The following KLHL41 variants were observed in gnomAD, a reference collection of about 807,000 sequenced individuals.
The protein encoded by KLHL41 is kelch like family member 41.
A neutral mutation model predicts 49.2 loss-of-function variants in KLHL41; 31 were observed. The ratio of observed to expected loss-of-function variants is 0.63; its 90% confidence interval spans 0.47 to 0.85. The LOEUF (loss-of-function observed/expected upper bound fraction) is 0.85. KLHL41 is among the 40% of genes least tolerant of loss of function. The pLI is 0.00. For synonymous variants in KLHL41, 218 were observed against 258.5 expected (o/e 0.84, Z 1.50); for missense variants, 663 against 726.7 (o/e 0.91, Z 1.01).
chr2:169,525,242 G>GT (rs1383272048), intron 5 of KLHL41, among the ~76,000 whole-genome samples: 15 of 152,066 alleles, frequency 9.9e-5, no homozygotes, highest in Non-Finnish European at 2.1e-4. Flanking sequence ...TTAAGCAAGA[G>GT]TCTGCTTACT....
rs373688807 is a variant in KLHL41 at position 169,514,869 on chromosome 2, C to T, written c.1284C>T (p.Asn428=). ...TTAATTTTAGGGCTGCAAAATGGAA[C>T]GAAGTAAAAAAACTCCCTATCAAAG... ...LCYDPVAAKW[N]EVKKLPIKVY... is the part of the protein sequence containing the mutation. The change falls in exon 3 of 6, where the codon AAC becomes AAT. Residue 428 remains asparagine (N), a synonymous_variant. Transcript: ENST00000284669. 122 of 1,603,102 alleles carry T rather than the reference C, an allele frequency of 7.6e-5. No homozygotes were observed. The highest frequency in any genetic ancestry group is 9.8e-5 in the Non-Finnish European group (115 of 1,177,026).
At chr2:169,511,530 C>T (rs2105308554) in intron 1 of KLHL41, among the ~76,000 whole-genome samples, 1 of 152,152 alleles carries the variant, frequency 6.6e-6, no homozygotes, top group East Asian at 1.9e-4. Context: ...GTCAGATTTT[C>T]TACCTTCTTC....
chr2:169,522,397 AAG>A (rs1055510985), intron 5 of KLHL41, among the ~76,000 whole-genome samples: 2 of 152,310 alleles, frequency 1.3e-5, no homozygotes, highest in South Asian at 2.1e-4. Context: ...AAGAGGGAGA[AAG>A]AGAAAAAAAA....
In KLHL41 at chr2:169,520,964, G is replaced by T; in HGVS notation, c.1666G>T (p.Glu556Ter). The T allele has an allele frequency of 6.2e-7, 1 of 1,614,000 alleles. No homozygotes were observed. Among genetic ancestry groups the T allele is most frequent in the Non-Finnish European group, 8.5e-7 (1 of 1,179,924 alleles). The change falls in exon 5 of 6, where the codon GAG (glutamate) becomes TAG (stop). Residue 556 changes from glutamate (E) to a stop codon, truncating the protein, a stop_gained. Coordinates refer to ENST00000284669, the MANE Select transcript of KLHL41 (RefSeq NM_006063.3). LOFTEE classifies it high-confidence loss of function. Reference protein sequence around the residue: ...AIGGFAMIQLESKEFAPTEVN... With the variant: ...AIGGFAMIQL ...TGGTGGTTTTGCTATGATTCAACTG[G>T]AGTCTAAAGAATTTGCACCCACTGA...
In KLHL41 at chr2:169,510,483, T is replaced by C; in HGVS notation, c.705T>C (p.His235=). The change falls in exon 1 of 6, where the codon CAT becomes CAC. Residue 235 remains histidine (H), a synonymous_variant. Transcript: ENST00000284669. The surrounding 1 kb of genome is among the most constrained non-coding windows in gnomAD (Gnocchi z 4.2). Reference sequence around the variant, plus strand: ...TGACAGAAAAATATTTTAAGGATCATGTTGAGAAAGATGATATAATTAAAA... The same window carrying C: ...TGACAGAAAAATATTTTAAGGATCACGTTGAGAAAGATGATATAATTAAAA... The part of the protein sequence containing the change: ...RLMTEKYFKD[H]VEKDDIIKSN... 6 of 1,613,942 alleles carry C rather than the reference T, an allele frequency of 3.7e-6. No homozygotes were observed. Among genetic ancestry groups the C allele is most frequent in the Non-Finnish European group, 5.1e-6 (6 of 1,179,960 alleles).
At chr2:169,520,434 C>T (rs1336160294) in intron 4 of KLHL41, among the ~76,000 whole-genome samples, 5 of 151,472 alleles carry the variant, frequency 3.3e-5, no homozygotes, top group East Asian at 3.9e-4. Context: ...CATGAGCCAC[C>T]GAACCCAGCC....
chr2:169,517,255 T>A (rs916273306), intron 3 of KLHL41, among the ~76,000 whole-genome samples: 1 of 152,188 alleles, frequency 6.6e-6, no homozygotes, highest in African/African-American at 2.4e-5. Flanking sequence ...AATCAATTAT[T>A]ATTTGAAATT....
At chr2:169,512,411 A>T (rs1397810186) in intron 1 of KLHL41, among the ~76,000 whole-genome samples, 1 of 152,182 alleles carries the variant, frequency 6.6e-6, no homozygotes, top group Admixed American at 6.5e-5. Context: ...AGATCCACGG[A>T]ATAGTTGTTG....
At chr2:169,521,052 G>T in intron 5 of KLHL41, 45 bp downstream of exon 5, 1 of 1,564,888 alleles carries the variant, frequency 6.4e-7, no homozygotes, top group Non-Finnish European at 8.8e-7. Flanking sequence ...TATTAAATCA[G>T]ATGACTGATA....
chr2:169,509,895 A>G lies in KLHL41; in HGVS notation c.117A>G (p.Ala39=), dbSNP rs1684002771. Residue 39 remains alanine, a synonymous_variant, in exon 1 of 6, where the codon GCA becomes GCG. Coordinates refer to ENST00000284669, the MANE Select transcript of KLHL41 (RefSeq NM_006063.3). ...AATTCATCGATTGCACCCTAAAAGC[A>G]GGTGACAAAAGTCTTCCTTGCCACA... ...EKKFIDCTLK[A]GDKSLPCHRL... 6.2e-7 allele frequency: 1 copy of G among 1,614,096 alleles called. No individual in the cohort carries two copies. The highest frequency in any genetic ancestry group is 1.1e-5 in the South Asian group (1 of 91,082).
At chr2:169,516,081 T>C (rs1684111801) in intron 3 of KLHL41, among the ~76,000 whole-genome samples, 1 of 152,226 alleles carries the variant, frequency 6.6e-6, no homozygotes, top group Admixed American at 6.5e-5. Context: ...ATTTTCAGTT[T>C]AGATGGTGAG....
In KLHL41 at chr2:169,510,720, A is replaced by C. The variant is rs1212338361; in HGVS notation, c.942A>C (p.Ala314=). ...TCCTCTTGGTTAATGACACAGCAGC[A>C]GTGGCTTATGACCCCACGGAAAATG... ...DLILLVNDTA[A]VAYDPTENEC... The change falls in exon 1 of 6, where the codon GCA becomes GCC. Residue 314 remains alanine, a synonymous_variant. Coordinates refer to ENST00000284669, the MANE Select transcript of KLHL41 (RefSeq NM_006063.3). This position sits in a 1 kb window ranked among gnomAD's most constrained non-coding sequence, Gnocchi z 4.2. 2 of 1,614,108 alleles carry C rather than the reference A, an allele frequency of 1.2e-6. No individual in the cohort carries two copies. Among genetic ancestry groups the C allele is most frequent in the Non-Finnish European group, 1.7e-6 (2 of 1,180,040 alleles).
chr2:169,524,646 C>T (rs915760669), intron 5 of KLHL41, among the ~76,000 whole-genome samples: 1 of 151,904 alleles, frequency 6.6e-6, no homozygotes, highest in Non-Finnish European at 1.5e-5. Flanking sequence ...GACCTGCCCC[C>T]CTCGGCCTCC....
intron 5 of KLHL41, 56 bp from the exon 6 acceptor site, chr2:169,525,529 A>C (rs1684289724): frequency 9.4e-7 from 1 of 1,064,796 alleles, no homozygotes. Context: ...TTCTGAACAC[A>C]GGGAAACCTA....
intron 5 of KLHL41, among the ~76,000 whole-genome samples, chr2:169,522,832 C>T (rs1446945369): frequency 2.0e-5 from 3 of 148,556 alleles, no homozygotes; most frequent in African/African-American, 5.0e-5. Flanking sequence ...AAGCGATTCT[C>T]CTGCCTCAGG....
In KLHL41 at chr2:169,510,058, G is replaced by T; in HGVS notation, c.280G>T (p.Ala94Ser). The T allele has an allele frequency of 6.2e-7, 1 of 1,614,152 alleles. No homozygotes were observed. Among genetic ancestry groups the T allele is most frequent in the Non-Finnish European group, 8.5e-7 (1 of 1,180,030 alleles). The part of the protein sequence containing the change: ...LDLIIKYLYS[A>S]SIDLNDGNVQ... ...TTTAATCATCAAATACCTGTACTCT[G>T]CCAGTATTGATCTCAATGACGGAAA... Residue 94 changes from alanine (A) to serine (S), a missense_variant, in exon 1 of 6, where the codon GCC becomes TCC. This residue lies in a region of KLHL41 where 129 missense variants were observed against 122.1 expected (regional missense o/e 1.06). Transcript: ENST00000284669. This position sits in a 1 kb window ranked among gnomAD's most constrained non-coding sequence, Gnocchi z 4.2.
Position 169,516,583 on chromosome 2 carries a change from A to C in KLHL41, c.1377-1607A>C, listed in dbSNP as rs1163392653. Among the ~76,000 whole-genome samples, 4 of 152,348 alleles carry C rather than the reference A, an allele frequency of 2.6e-5. No individual in the cohort carries two copies. The East Asian group carries it at 5.8e-4, about 22-fold the overall frequency. On this transcript the variant is annotated intron_variant, in intron 3 of 5. Coordinates refer to ENST00000284669, the MANE Select transcript of KLHL41 (RefSeq NM_006063.3). The stretch of plus-strand genomic sequence containing the variant: ...ATTTAAATTGTTTCCTTCAAGCAGC[A>C]TTAGTAACTAGGAAATTGATATGTC...
chr2:169,518,628 T>C (rs920017425), intron 4 of KLHL41, among the ~76,000 whole-genome samples: 1 of 152,226 alleles, frequency 6.6e-6, no homozygotes, highest in Non-Finnish European at 1.5e-5. Flanking sequence ...GCTCTATTTG[T>C]CCTTGTTATT....
intron 3 of KLHL41, 62 bp downstream of exon 3, chr2:169,515,023 C>A: frequency 9.8e-7 from 1 of 1,021,232 alleles, no homozygotes; most frequent in Non-Finnish European, 1.4e-6. Context: ...GGGTTTCTTC[C>A]TCTTTTCTTT....
Sources: gnomAD v4.1 joint callset for allele counts (sites outside exome capture counted in the v4.1 genomes callset) on GRCh38, gnomAD v4.1.1 for gene constraint, gnomAD v4.1.1 regional missense constraint, Gnocchi (gnomAD v3.1) non-coding constraint, MANE v1.5 for transcripts, NCBI Gene and HGNC (gene_info 2026-07-23, HGNC 2026-07-21) for gene names.